DOCK1: variants seen among roughly 807,000 people sequenced by gnomAD.
DOCK1 encodes dedicator of cytokinesis protein 1.
Under a neutral mutation model 262.7 loss-of-function variants are expected in DOCK1, and 138 were observed. The ratio of observed to expected loss-of-function variants is 0.53; its 90% CI spans 0.46 to 0.61. DOCK1 has a LOEUF of 0.61. Ranked by LOEUF, DOCK1 falls within the 20% of genes least tolerant of loss-of-function variation. The probability of loss-of-function intolerance (pLI) is 0.00; values close to 1 mark genes in which losing one functional copy is unlikely to be tolerated. For missense variants in DOCK1, 1,908 were observed against 2,370.7 expected (o/e 0.80, Z 4.05); for synonymous variants, 866 against 867.4 (o/e 1.00, Z 0.03).
At chr10:126,973,501 A>G (rs1015305674) in intron 2 of DOCK1, among the ~76,000 whole-genome samples, 8 of 152,158 alleles carry the variant, frequency 5.3e-5, no homozygotes, top group Non-Finnish European at 4.4e-5. Flanking sequence ...TTTGGCTGAC[A>G]TCATGATAAG....
intron 29 of DOCK1, among the ~76,000 whole-genome samples, chr10:127,266,415 A>T (rs2060355903): frequency 6.6e-6 from 1 of 151,810 alleles, no homozygotes; most frequent in Non-Finnish European, 1.5e-5. Flanking sequence ...CTTTAGAATT[A>T]TTTTTTTCCT....
chr10:127,184,296 C>T (rs1335184527), intron 27 of DOCK1, among the ~76,000 whole-genome samples: 5 of 151,834 alleles, frequency 3.3e-5, no homozygotes, highest in Non-Finnish European at 7.3e-5. Context: ...GTGCTGCCAA[C>T]GGCTTGCTCA....
rs2048068365 is a variant in DOCK1 at position 127,098,887 on chromosome 10, C to T, written c.2446-7344C>T. On this transcript the variant is annotated intron_variant, in intron 23 of 51. Coordinates refer to ENST00000623213, the MANE Select transcript of DOCK1 (RefSeq NM_001290223.2). ...AAGAGACCTGAATTTAGTGAAGCAG[C>T]CAGACTCCACAGAGGAAACTGAAGG... 2.0e-5 allele frequency among the ~76,000 whole-genome samples: 3 copies of T among 152,080 alleles called. 1 individual carries two copies. In the South Asian group the frequency reaches 6.2e-4, roughly 31 times the overall value.
At chr10:127,373,901 G>A in intron 34 of DOCK1, 35 bp downstream of exon 34, 1 of 1,579,062 alleles carries the variant, frequency 6.3e-7, no homozygotes, top group Non-Finnish European at 8.6e-7. Context: ...TTATGTCTGA[G>A]AGATACAGAG....
At chr10:126,982,351 T>C (rs1182034827) in intron 4 of DOCK1, among the ~76,000 whole-genome samples, 1 of 152,082 alleles carries the variant, frequency 6.6e-6, no homozygotes, top group Non-Finnish European at 1.5e-5. Flanking sequence ...GTGATATAAA[T>C]GGAGTTTAGG....
chr10:127,331,074 A>G (rs1222439000), intron 29 of DOCK1, among the ~76,000 whole-genome samples: 2 of 152,084 alleles, frequency 1.3e-5, no homozygotes, highest in African/African-American at 4.8e-5. Context: ...AGGGAGGGGG[A>G]GTCCACTTAT....
intron 16 of DOCK1, among the ~76,000 whole-genome samples, chr10:127,028,782 C>T (rs773362043): frequency 4.6e-5 from 7 of 152,114 alleles, no homozygotes; most frequent in Non-Finnish European, 8.8e-5. Flanking sequence ...ATGATGTGAG[C>T]GGAGGGTGCT....
intron 27 of DOCK1, among the ~76,000 whole-genome samples, chr10:127,232,935 A>T (rs547471542): frequency 2.0e-5 from 3 of 152,320 alleles, no homozygotes; most frequent in African/African-American, 7.2e-5. Context: ...GATTAATAAA[A>T]AATAAAAAAT....
At chr10:127,249,865 A>C (rs1486623822) in intron 28 of DOCK1, among the ~76,000 whole-genome samples, 3 of 152,220 alleles carry the variant, frequency 2.0e-5, no homozygotes, top group African/African-American at 7.2e-5. Flanking sequence ...AGGGAACAAG[A>C]ATATGTATAT....
chr10:127,029,997 T>C lies in DOCK1; in HGVS notation c.1625-1653T>C, dbSNP rs535416168. On this transcript the variant is annotated intron_variant, in intron 16 of 51. Transcript: ENST00000623213. Reference sequence around the variant, plus strand: ...TATTTTTTTAGAATCCTAGGGTACATATATTTTACTTCTGTTTCTTCCTGT... The same window carrying C: ...TATTTTTTTAGAATCCTAGGGTACACATATTTTACTTCTGTTTCTTCCTGT... 4.6e-5 allele frequency among the ~76,000 whole-genome samples: 7 copies of C among 152,310 alleles called. No individual in the cohort carries two copies. In the South Asian group the frequency reaches 1.5e-3, roughly 32 times the overall value.
Position 127,374,062 on chromosome 10 carries a change from C to A in DOCK1, c.3523C>A (p.Leu1175Met). 6.2e-7 allele frequency: 1 copy of A among 1,609,122 alleles called. No individual in the cohort carries two copies. The highest frequency in any genetic ancestry group is 8.5e-7 in the Non-Finnish European group (1 of 1,178,086). ...GTGTGTATAATTATTTTTCAGCCTT[C>A]TGGAACACTGCAGGAAGCACAAATA... ...QYKVLFDKIL[L>M]EHCRKHKYLA... is the part of the protein sequence containing the mutation. The change falls in exon 35 of 52, where the codon CTG (leucine) becomes ATG (methionine). Residue 1175 changes from leucine to methionine, a missense_variant. By Grantham distance (15) the Leu-to-Met change is conservative. Coordinates refer to ENST00000623213, the MANE Select transcript of DOCK1 (RefSeq NM_001290223.2).
intron 27 of DOCK1, among the ~76,000 whole-genome samples, chr10:127,143,649 C>T (rs557170718): frequency 4.3e-4 from 65 of 152,196 alleles, no homozygotes; most frequent in African/African-American, 1.4e-3. Context: ...CCAACTTGGC[C>T]GGTTTTATGT....
At chr10:127,338,514 G>A (rs538390844) in intron 29 of DOCK1, among the ~76,000 whole-genome samples, 22 of 152,270 alleles carry the variant, frequency 1.4e-4, no homozygotes, top group African/African-American at 5.1e-4. Flanking sequence ...CATGTGGAAA[G>A]TAGGCCAATG....
Position 127,226,837 on chromosome 10 carries a change from C to T in DOCK1, c.2848-21171C>T, listed in dbSNP as rs2058661521. 1.3e-5 allele frequency among the ~76,000 whole-genome samples: 2 copies of T among 152,132 alleles called. 1 individual carries two copies. The highest frequency in any genetic ancestry group is 1.3e-4 in the Admixed American group (2 of 15,274). Reference sequence around the variant, plus strand: ...TGATTACACAATACTTCTACCTGGACTGCCTTTCTCCCGCTCCCATCCCCA... The same window carrying T: ...TGATTACACAATACTTCTACCTGGATTGCCTTTCTCCCGCTCCCATCCCCA... On this transcript the variant is annotated intron_variant, in intron 27 of 51. Coordinates refer to ENST00000623213, the MANE Select transcript of DOCK1 (RefSeq NM_001290223.2).
At chr10:127,173,768 T>C (rs1416882183) in intron 27 of DOCK1, among the ~76,000 whole-genome samples, 1 of 152,218 alleles carries the variant, frequency 6.6e-6, no homozygotes, top group African/African-American at 2.4e-5. Context: ...AGTGTTGCTT[T>C]TGGATCTGTA....
intron 1 of DOCK1, among the ~76,000 whole-genome samples, chr10:126,919,690 C>T (rs952242459): frequency 6.6e-6 from 1 of 152,190 alleles, no homozygotes; most frequent in East Asian, 1.9e-4. Context: ...GGCTGGATGA[C>T]CCCCCGATCC....
chr10:127,083,381 C>A (rs944701252), intron 23 of DOCK1, among the ~76,000 whole-genome samples: 2 of 152,142 alleles, frequency 1.3e-5, no homozygotes, highest in Non-Finnish European at 2.9e-5. Flanking sequence ...GTCTGGTGAG[C>A]CTTGAGGGCG....
intron 35 of DOCK1, among the ~76,000 whole-genome samples, chr10:127,378,760 G>A (rs1267592416): frequency 6.6e-6 from 1 of 152,304 alleles, no homozygotes; most frequent in East Asian, 1.9e-4. Context: ...TGGAAATGAA[G>A]GGCTTATCCT....
chr10:127,332,616 G>A (rs1009347046), intron 29 of DOCK1, among the ~76,000 whole-genome samples: 1 of 152,078 alleles, frequency 6.6e-6, no homozygotes, highest in African/African-American at 2.4e-5. Context: ...AGTGACATTG[G>A]TCTTCCCACC....
Sources: gnomAD v4.1 joint callset for allele counts (sites outside exome capture counted in the v4.1 genomes callset) on GRCh38, gnomAD v4.1.1 for gene constraint, MANE v1.5 for transcripts, NCBI Gene and HGNC (gene_info 2026-07-23, HGNC 2026-07-21) for gene names.